Variants in ZRANB3 observed in about 807,000 individuals in gnomAD.
ZRANB3 encodes the protein zinc finger RANBP2-type containing 3.
ZRANB3 carries 125 observed loss-of-function variants against 133.8 expected under a neutral mutation model. The ratio of observed to expected loss-of-function variants is 0.93; its 90% CI spans 0.81 to 1.08. ZRANB3 has a LOEUF of 1.08. ZRANB3 is among the 50% of genes least tolerant of loss of function. The pLI is 0.00. For synonymous variants in ZRANB3, 387 were observed against 432.7 expected, an observed-to-expected ratio of 0.89 and a Z score of 1.31; for missense variants, 1,229 against 1,275.5, an observed-to-expected ratio of 0.96 and a Z score of 0.56.
chr2:135,394,334 G>T (rs554787903), intron 2 of ZRANB3, among the ~76,000 whole-genome samples: 1 of 151,992 alleles, frequency 6.6e-6, no homozygotes, highest in African/African-American at 2.4e-5. Flanking sequence ...TTCAAGATAG[G>T]AAAAAAGGAA....
chr2:135,478,340 C>T (rs1270829065), intron 2 of ZRANB3, among the ~76,000 whole-genome samples: 1 of 151,880 alleles, frequency 6.6e-6, no homozygotes, highest in African/African-American at 2.4e-5. Flanking sequence ...AAAGAGCATA[C>T]CAATGTAAAT....
At chr2:135,267,183 A>G (rs1474316603) in intron 11 of ZRANB3, among the ~76,000 whole-genome samples, 1 of 152,196 alleles carries the variant, frequency 6.6e-6, no homozygotes, top group Non-Finnish European at 1.5e-5. Context: ...TGTAATGTGT[A>G]AAGAAAATGA....
intron 14 of ZRANB3, among the ~76,000 whole-genome samples, chr2:135,225,654 T>C (rs1444245858): frequency 6.6e-6 from 1 of 152,216 alleles, no homozygotes; most frequent in African/African-American, 2.4e-5. Flanking sequence ...TGCTACTATA[T>C]GTATTTACTT....
At chr2:135,442,109 C>T (rs888028224) in intron 2 of ZRANB3, among the ~76,000 whole-genome samples, 1 of 152,126 alleles carries the variant, frequency 6.6e-6, no homozygotes, top group Non-Finnish European at 1.5e-5. Context: ...AAAACCTAGG[C>T]AATACCATTC....
At chr2:135,249,886 C>G (rs1267885741) in intron 12 of ZRANB3, among the ~76,000 whole-genome samples, 1 of 152,138 alleles carries the variant, frequency 6.6e-6, no homozygotes, top group Non-Finnish European at 1.5e-5. Context: ...TGGACTAATA[C>G]AGTAAACTGG....
At chr2:135,453,432 T>A (rs543808057) in intron 2 of ZRANB3, among the ~76,000 whole-genome samples, 2 of 152,354 alleles carry the variant, frequency 1.3e-5, no homozygotes, top group South Asian at 2.1e-4. Context: ...TTCTACTGCA[T>A]CATCAGGCTG....
intron 3 of ZRANB3, among the ~76,000 whole-genome samples, chr2:135,379,355 T>G (rs1238262220): frequency 6.6e-6 from 1 of 152,204 alleles, no homozygotes; most frequent in African/African-American, 2.4e-5. Context: ...TTGAGCCCTA[T>G]GTCTTCCAAA....
intron 12 of ZRANB3, among the ~76,000 whole-genome samples, chr2:135,233,744 G>A (rs1375834131): frequency 6.6e-6 from 1 of 152,178 alleles, no homozygotes; most frequent in African/African-American, 2.4e-5. Flanking sequence ...AGCAAATGCT[G>A]AGAGATTTTG....
chr2:135,417,658 A>T (rs1222828951), intron 2 of ZRANB3, among the ~76,000 whole-genome samples: 2 of 152,234 alleles, frequency 1.3e-5, no homozygotes, highest in South Asian at 2.1e-4. Context: ...AGACACATGC[A>T]CACGTATGTT....
At chr2:135,493,746 T>A (rs1692523891) in intron 2 of ZRANB3, among the ~76,000 whole-genome samples, 1 of 152,112 alleles carries the variant, frequency 6.6e-6, no homozygotes, top group South Asian at 2.1e-4. Context: ...AGTTTTTAAA[T>A]AAAGTTAAAG....
chr2:135,231,588 C>T (rs1031832577), intron 12 of ZRANB3, among the ~76,000 whole-genome samples: 4 of 151,918 alleles, frequency 2.6e-5, no homozygotes, highest in South Asian at 2.1e-4. Context: ...GGTGAAACCC[C>T]GTCACTACAA....
chr2:135,291,840 G>A (rs1451887205), intron 8 of ZRANB3, among the ~76,000 whole-genome samples: 1 of 151,154 alleles, frequency 6.6e-6, no homozygotes, highest in African/African-American at 2.4e-5. Context: ...GTGAGAACAT[G>A]CGGTGTTTGG....
chr2:135,205,276 A>C (rs1693812475), intron 19 of ZRANB3, among the ~76,000 whole-genome samples: 3 of 152,142 alleles, frequency 2.0e-5, no homozygotes, highest in Non-Finnish European at 4.4e-5. Flanking sequence ...TTACAAAATT[A>C]CATTTTATTT....
At chr2:135,339,401 C>G (rs1684524735) in intron 6 of ZRANB3, among the ~76,000 whole-genome samples, 1 of 150,916 alleles carries the variant, frequency 6.6e-6, no homozygotes, top group Admixed American at 6.6e-5. Context: ...AAGACTCCAT[C>G]TGAAAAAAAA....
intron 5 of ZRANB3, among the ~76,000 whole-genome samples, chr2:135,349,276 G>A (rs1199338296): frequency 6.6e-6 from 1 of 152,160 alleles, no homozygotes; most frequent in African/African-American, 2.4e-5. Flanking sequence ...AACTTTCAAA[G>A]CAGTATTACC....
chr2:135,400,621 T>C (rs562246412), intron 2 of ZRANB3, among the ~76,000 whole-genome samples: 2 of 152,222 alleles, frequency 1.3e-5, no homozygotes, highest in Non-Finnish European at 2.9e-5. Context: ...TTTGGCACTG[T>C]ACCAGAAACT....
rs1217718585 is a variant in ZRANB3 at position 135,275,732 on chromosome 2, A to G, written c.990T>C (p.Ile330=). ...IAKAGAVKDY[I]KMMLQNDSLK... is the part of the protein sequence containing the mutation. ...GCGAATCATTCTGAAGCATCATCTT[A>G]ATATAATCCTTTACAGCACCTGCCT... The change falls in exon 9 of 21, where the codon ATT becomes ATC. Residue 330 remains isoleucine (I), a synonymous_variant. Coordinates refer to ENST00000264159, the MANE Select transcript of ZRANB3 (RefSeq NM_032143.4). 3 of 1,589,548 alleles carry G rather than the reference A, an allele frequency of 1.9e-6. No individual in the cohort carries two copies. Among genetic ancestry groups the G allele is most frequent in the African/African-American group, 2.7e-5 (2 of 74,342 alleles).
chr2:135,412,661 G>T (rs1688361545), intron 2 of ZRANB3, among the ~76,000 whole-genome samples: 1 of 151,802 alleles, frequency 6.6e-6, no homozygotes, highest in Non-Finnish European at 1.5e-5. Context: ...TGGCTCAGTG[G>T]GAATTATTAT....
chr2:135,402,523 T>C (rs1687781898), intron 2 of ZRANB3, among the ~76,000 whole-genome samples: 1 of 152,046 alleles, frequency 6.6e-6, no homozygotes, highest in Non-Finnish European at 1.5e-5. Flanking sequence ...CTTGATCTCC[T>C]GACCTCATGA....
Sources: allele counts gnomAD v4.1 joint callset (sites outside exome capture counted in the v4.1 genomes callset), GRCh38; gene constraint gnomAD v4.1.1; transcripts MANE v1.5; gene names NCBI Gene and HGNC (gene_info 2026-07-23, HGNC 2026-07-21).